CHST11: variants seen among roughly 807,000 people sequenced by gnomAD.
The protein encoded by CHST11 is C4S-1.
Under a neutral mutation model 30.4 loss-of-function variants are expected in CHST11, and 9 were observed. That is an observed-to-expected ratio of 0.30 (90% CI 0.18 to 0.52). The LOEUF is 0.52. Ranked by LOEUF, CHST11 falls within the 20% of genes least tolerant of loss-of-function variation. CHST11 has a pLI of 0.97. For synonymous variants in CHST11, 152 were observed against 187.8 expected (o/e 0.81, Z 1.56); for missense variants, 348 against 460.6 (o/e 0.76, Z 2.24).
chr12:104,510,686 G>C (rs117623645), intron 1 of CHST11, among the ~76,000 whole-genome samples: 3,484 of 152,328 alleles, frequency 0.023, 67 homozygotes, highest in South Asian at 0.082. Flanking sequence ...AGACATTAAT[G>C]AAGAGAATGT....
intron 2 of CHST11, among the ~76,000 whole-genome samples, chr12:104,606,512 T>C (rs1028402575): frequency 1.3e-5 from 2 of 152,206 alleles, no homozygotes; most frequent in Admixed American, 6.5e-5. Context: ...CCCCGTTTTT[T>C]AGTTAAGTTA....
At chr12:104,613,973 A>G (rs1052471150) in intron 2 of CHST11, among the ~76,000 whole-genome samples, 1 of 152,234 alleles carries the variant, frequency 6.6e-6, no homozygotes, top group African/African-American at 2.4e-5. Context: ...TCTAATGCAC[A>G]GCTTGATGAC....
rs891896037 is a variant in CHST11, at chr12:104,676,174, C to A, written c.204+74183C>A. Among the ~76,000 whole-genome samples, 2 of 152,150 alleles carry A rather than the reference C, an allele frequency of 1.3e-5. No homozygotes were observed. The highest frequency in any genetic ancestry group is 2.9e-5 in the Non-Finnish European group (2 of 68,006). On this transcript the variant is annotated intron_variant, in intron 2 of 2. Transcript: ENST00000303694. This position sits in a 1 kb window ranked among gnomAD's most constrained non-coding sequence, Gnocchi z 4.4. ...TTCCAATTGCTGCTGTAACAAAATG[C>A]TACAAAGTAGAGGCTGAAACAATAT...
At chr12:104,500,574 G>C (rs968805637) in intron 1 of CHST11, among the ~76,000 whole-genome samples, 3 of 152,182 alleles carry the variant, frequency 2.0e-5, no homozygotes, top group Non-Finnish European at 4.4e-5. Flanking sequence ...AATGACATGA[G>C]CTAAGAGAGG....
At position 104,661,416 on chromosome 12, in the gene CHST11, A is replaced by G. The variant is rs185852641; in HGVS notation, c.204+59425A>G. Among the ~76,000 whole-genome samples the G allele has an allele frequency of 3.9e-3, 594 of 152,114 alleles. 2 individuals carry two copies. Among genetic ancestry groups the G allele is most frequent in the Non-Finnish European group, 5.4e-3 (370 of 67,974 alleles). ...ACTACTACTACTACTAATAATAATA[A>G]TACAAAAAATTAGCTGGATGTGGTG... On this transcript the variant is annotated intron_variant, in intron 2 of 2. Transcript: ENST00000303694.
chr12:104,613,228 C>A (rs2039076790), intron 2 of CHST11, among the ~76,000 whole-genome samples: 1 of 151,494 alleles, frequency 6.6e-6, no homozygotes, highest in Non-Finnish European at 1.5e-5. Context: ...ACAGAATCAA[C>A]TTACATGTCC....
chr12:104,575,064 G>A (rs1347098983), intron 1 of CHST11, among the ~76,000 whole-genome samples: 1 of 151,774 alleles, frequency 6.6e-6, no homozygotes, highest in Non-Finnish European at 1.5e-5. Flanking sequence ...GTGGTGGCAT[G>A]CACCTGCAAT....
At chr12:104,654,364 C>T (rs887568362) in intron 2 of CHST11, among the ~76,000 whole-genome samples, 3 of 152,044 alleles carry the variant, frequency 2.0e-5, no homozygotes, top group South Asian at 2.1e-4. Flanking sequence ...GGGCTGAGAG[C>T]GTGAGAAGCT....
chr12:104,517,407 A>G (rs565700812), intron 1 of CHST11, among the ~76,000 whole-genome samples: 2 of 152,242 alleles, frequency 1.3e-5, no homozygotes, highest in East Asian at 3.9e-4. Context: ...AAGCTTGTCA[A>G]TTTTAATGTC....
rs79235223 is a variant in CHST11, at chr12:104,683,435, T to A, written c.205-73514T>A. Among the ~76,000 whole-genome samples, 1,153 of 152,340 alleles carry A rather than the reference T, an allele frequency of 7.6e-3. 15 individuals carry two copies. The highest frequency in any genetic ancestry group is 0.027 in the African/African-American group (1,108 of 41,578). On this transcript the variant is annotated intron_variant, in intron 2 of 2. Coordinates refer to ENST00000303694, the MANE Select transcript of CHST11 (RefSeq NM_018413.6). ...GAATCACATTTTGGAGGTGGCCCTA[T>A]GGTTTTGTTAGGGTTTCAGACCTCT...
intron 1 of CHST11, among the ~76,000 whole-genome samples, chr12:104,470,740 G>T (rs1446926955): frequency 6.6e-6 from 1 of 152,184 alleles, no homozygotes; most frequent in Non-Finnish European, 1.5e-5. Flanking sequence ...TACAGGTGAG[G>T]AAACTGAGGC....
intron 2 of CHST11, among the ~76,000 whole-genome samples, chr12:104,718,248 G>C (rs897555652): frequency 6.6e-6 from 1 of 152,218 alleles, no homozygotes; most frequent in African/African-American, 2.4e-5. Context: ...TTTGTGACTT[G>C]CCTGAAGCCA....
At chr12:104,646,550 G>A (rs891626053) in intron 2 of CHST11, among the ~76,000 whole-genome samples, 3 of 152,108 alleles carry the variant, frequency 2.0e-5, no homozygotes, top group Middle Eastern at 3.2e-3. Flanking sequence ...TGGCCAACAC[G>A]GTGAAACCTC....
intron 2 of CHST11, among the ~76,000 whole-genome samples, chr12:104,741,857 A>G (rs986002478): frequency 6.6e-6 from 1 of 152,236 alleles, no homozygotes; most frequent in Non-Finnish European, 1.5e-5. Flanking sequence ...GCAGGTTCCC[A>G]GGACAGCCCG....
Position 104,500,330 on chromosome 12 carries a change from G to A in CHST11, c.118+42801G>A, listed in dbSNP as rs1285428438. On this transcript the variant is annotated intron_variant, in intron 1 of 2. Coordinates refer to ENST00000303694, the MANE Select transcript of CHST11 (RefSeq NM_018413.6). ...GCCTCTTGTTTTTTTACATTGGGAG[G>A]TAAGAATTTAGATTTATTAGTCCCA... Among the ~76,000 whole-genome samples, 10 of 152,158 alleles carry A rather than the reference G, an allele frequency of 6.6e-5. No individual in the cohort carries two copies. In the East Asian group the frequency reaches 1.7e-3, roughly 26 times the overall value.
intron 2 of CHST11, among the ~76,000 whole-genome samples, chr12:104,651,707 G>C (rs2039491545): frequency 6.6e-6 from 1 of 152,178 alleles, no homozygotes; most frequent in Non-Finnish European, 1.5e-5. Flanking sequence ...ATGATTCCCA[G>C]CCCAGCACCC....
intron 2 of CHST11, among the ~76,000 whole-genome samples, chr12:104,722,095 C>T (rs892435189): frequency 3.3e-5 from 5 of 151,956 alleles, no homozygotes; most frequent in African/African-American, 1.2e-4. Context: ...CTCAAACCAT[C>T]CGCTCCCCTC....
intron 1 of CHST11, among the ~76,000 whole-genome samples, chr12:104,524,031 CTTTCTTTCT>C (rs1043830446): frequency 8.4e-6 from 1 of 119,436 alleles, no homozygotes; most frequent in African/African-American, 3.3e-5. Flanking sequence ...TTTTTGTTTT[CTTTCTTTCT>C]TTTTTTTTTT....
chr12:104,710,445 C>T (rs1280065694), intron 2 of CHST11, among the ~76,000 whole-genome samples: 4 of 152,078 alleles, frequency 2.6e-5, no homozygotes, highest in African/African-American at 4.8e-5. Flanking sequence ...GCTTCATTCC[C>T]GCTTGCGGTT....
Sources: gnomAD v4.1 joint callset for allele counts (sites outside exome capture counted in the v4.1 genomes callset) on GRCh38, gnomAD v4.1.1 for gene constraint, Gnocchi (gnomAD v3.1) non-coding constraint, MANE v1.5 for transcripts, NCBI Gene and HGNC (gene_info 2026-07-23, HGNC 2026-07-21) for gene names.